Variants in TOX observed in about 807,000 individuals in gnomAD.
TOX encodes thymocyte selection-associated high mobility group box protein TOX.
TOX carries 11 observed loss-of-function variants against 53.7 expected under a neutral mutation model. That is an observed-to-expected ratio of 0.20 (90% CI 0.13 to 0.34). TOX has a LOEUF of 0.34. Among genes scored for constraint, TOX ranks in the 10% least tolerant of loss-of-function variants. TOX has a pLI of 1.00. For synonymous variants in TOX, 225 were observed against 245.3 expected (o/e 0.92, Z 0.77); for missense variants, 570 against 664.6 (o/e 0.86, Z 1.56).
At chr8:58,830,729 A>T (rs2129166216) in intron 5 of TOX, among the ~76,000 whole-genome samples, 1 of 152,318 alleles carries the variant, frequency 6.6e-6, no homozygotes, top group East Asian at 1.9e-4. Flanking sequence ...TCTTTACAAT[A>T]ATAAGAAGAA....
intron 5 of TOX, among the ~76,000 whole-genome samples, chr8:58,837,633 T>A (rs2129166875): frequency 6.6e-6 from 1 of 152,338 alleles, no homozygotes; most frequent in East Asian, 1.9e-4. Flanking sequence ...TGGCGGTCTT[T>A]AAGGAATGGC....
intron 2 of TOX, among the ~76,000 whole-genome samples, chr8:58,940,346 T>A (rs888022773): frequency 6.6e-5 from 10 of 152,090 alleles, no homozygotes; most frequent in Admixed American, 5.9e-4. Context: ...TGGGTTTTTT[T>A]TTTTCTTTTA....
chr8:58,988,925 A>T (rs1412756597), intron 1 of TOX, among the ~76,000 whole-genome samples: 1 of 152,214 alleles, frequency 6.6e-6, no homozygotes. Flanking sequence ...CAAGGAAGTC[A>T]TTTATTCCCT....
At chr8:58,892,372 C>T (rs1325741908) in intron 3 of TOX, among the ~76,000 whole-genome samples, 1 of 152,110 alleles carries the variant, frequency 6.6e-6, no homozygotes, top group Admixed American at 6.6e-5. Context: ...TAAAATAAAA[C>T]TGCCTTTCCT....
At position 58,851,094 on chromosome 8, in the gene TOX, G is replaced by A. The variant is rs112503975; in HGVS notation, c.693+430C>T. Among the ~76,000 whole-genome samples the A allele has an allele frequency of 3.7e-3, 558 of 151,656 alleles. 3 individuals are homozygous for A. The highest frequency in any genetic ancestry group is 0.012 in the African/African-American group (483 of 41,314). On this transcript the variant is annotated intron_variant, in intron 4 of 8. Coordinates refer to ENST00000361421, the MANE Select transcript of TOX (RefSeq NM_014729.3). The surrounding 1 kb of genome is among the most constrained non-coding windows in gnomAD (Gnocchi z 4.4). ...CTTTCCACGTCCTCAATATGAAATGGTTGGGTCAGGTGGCCACAAAGGTTT... is the reference window on the plus strand; with the variant it reads ...CTTTCCACGTCCTCAATATGAAATGATTGGGTCAGGTGGCCACAAAGGTTT...
intron 1 of TOX, among the ~76,000 whole-genome samples, chr8:59,081,907 T>C (rs1232082892): frequency 6.6e-6 from 1 of 152,204 alleles, no homozygotes; most frequent in Non-Finnish European, 1.5e-5. Context: ...ATTACCAAAA[T>C]TGTGAATATA....
At chr8:58,905,995 CTTTG>C (rs1435750286) in intron 3 of TOX, among the ~76,000 whole-genome samples, 14 of 152,242 alleles carry the variant, frequency 9.2e-5, no homozygotes, top group African/African-American at 2.2e-4. Flanking sequence ...CCTTTTCATT[CTTTG>C]TTTAAGGATG....
At chr8:58,933,992 A>G (rs553003135) in intron 3 of TOX, among the ~76,000 whole-genome samples, 1 of 152,268 alleles carries the variant, frequency 6.6e-6, no homozygotes, top group East Asian at 1.9e-4. Flanking sequence ...TGCTTTTCTA[A>G]CCAGACTCTA....
rs776174997 is a variant in TOX, at chr8:58,805,443, G to C, written c.*2304C>G. Reference sequence around the variant, plus strand: ...CACGCATAATAACAGTTTTATTGATGATGTGTTTTCTTTTATTTACATTTG... The same window carrying C: ...CACGCATAATAACAGTTTTATTGATCATGTGTTTTCTTTTATTTACATTTG... On this transcript the variant is annotated 3_prime_UTR_variant, in exon 9 of 9. Transcript: ENST00000361421. 1 of 152,280 alleles carries C rather than the reference G, an allele frequency of 6.6e-6. No homozygotes were observed. The highest frequency in any genetic ancestry group is 1.5e-5 in the Non-Finnish European group (1 of 68,024). 9.4% of individuals were successfully genotyped at this position (152,280 alleles called of 1,614,324 possible). A position where few individuals can be genotyped will look rare whatever the true frequency, so the allele number is the denominator to read the frequency against.
At chr8:58,937,552 A>G (rs1812366499) in intron 3 of TOX, among the ~76,000 whole-genome samples, 1 of 152,212 alleles carries the variant, frequency 6.6e-6, no homozygotes, top group Admixed American at 6.5e-5. Context: ...AGCCACAGTT[A>G]CTGACATTGC....
At chr8:59,021,837 T>A (rs1285554380) in intron 1 of TOX, among the ~76,000 whole-genome samples, 1 of 152,134 alleles carries the variant, frequency 6.6e-6, no homozygotes, top group Non-Finnish European at 1.5e-5. Flanking sequence ...TAACTTTTCC[T>A]GAAACTTTCT....
intron 4 of TOX, among the ~76,000 whole-genome samples, chr8:58,840,596 C>G (rs1810627421): frequency 6.6e-6 from 1 of 152,170 alleles, no homozygotes; most frequent in African/African-American, 2.4e-5. Context: ...AGACTGGCCT[C>G]AGTCACACCC....
At chr8:58,990,286 T>A (rs753737243) in intron 1 of TOX, among the ~76,000 whole-genome samples, 1 of 152,150 alleles carries the variant, frequency 6.6e-6, no homozygotes, top group Non-Finnish European at 1.5e-5. Flanking sequence ...CTTTTAACCA[T>A]GATATGGTGG....
chr8:58,894,105 T>C (rs13271523), intron 3 of TOX, among the ~76,000 whole-genome samples: 85,730 of 152,178 alleles, frequency 0.56, 25,058 homozygotes, highest in African/African-American at 0.71. Flanking sequence ...TTCAAAATCA[T>C]ATCCAATTGC....
At chr8:59,062,641 T>C (rs1804006797) in intron 1 of TOX, among the ~76,000 whole-genome samples, 1 of 152,226 alleles carries the variant, frequency 6.6e-6, no homozygotes, top group Non-Finnish European at 1.5e-5. Context: ...TGTCGTTCTA[T>C]AGTTGTTCCC....
At chr8:58,825,323 A>G (rs940290014) in intron 6 of TOX, among the ~76,000 whole-genome samples, 4 of 152,244 alleles carry the variant, frequency 2.6e-5, no homozygotes, top group African/African-American at 9.6e-5. Flanking sequence ...GAAAAATGTC[A>G]GAGTAAGCTG....
chr8:58,890,658 G>T (rs1372684358), intron 3 of TOX, among the ~76,000 whole-genome samples: 1 of 152,172 alleles, frequency 6.6e-6, no homozygotes, highest in Non-Finnish European at 1.5e-5. Context: ...AAGCGTGGAT[G>T]CATAGATAAC....
chr8:58,855,383 A>G (rs1167952300), intron 3 of TOX, among the ~76,000 whole-genome samples: 2 of 151,852 alleles, frequency 1.3e-5, no homozygotes, highest in African/African-American at 2.4e-5. Flanking sequence ...TCTCAAATCT[A>G]TTTTTTTTCT....
chr8:59,066,920 T>C (rs529314978), intron 1 of TOX, among the ~76,000 whole-genome samples: 78 of 152,342 alleles, frequency 5.1e-4, no homozygotes, highest in Non-Finnish European at 1.0e-3. Flanking sequence ...CCACATTTCA[T>C]AGGATGGAAC....
Sources: gnomAD v4.1 joint callset for allele counts (sites outside exome capture counted in the v4.1 genomes callset) on GRCh38, gnomAD v4.1.1 for gene constraint, Gnocchi (gnomAD v3.1) non-coding constraint, MANE v1.5 for transcripts, NCBI Gene and HGNC (gene_info 2026-07-23, HGNC 2026-07-21) for gene names.